ZNF24: variants seen among roughly 807,000 people sequenced by gnomAD.
ZNF24 encodes zinc finger protein 24.
A neutral mutation model predicts 40.9 loss-of-function variants in ZNF24; 11 were observed. The observed-to-expected ratio is 0.27, with a 90% confidence interval of 0.17 to 0.45. The LOEUF (loss-of-function observed/expected upper bound fraction) is 0.45, where lower values mean the gene tolerates loss of function less well. Among genes scored for constraint, ZNF24 ranks in the 20% least tolerant of loss-of-function variants. The pLI is 1.00. For synonymous variants in ZNF24, 139 were observed against 154.7 expected (o/e 0.90, Z 0.75); for missense variants, 293 against 437.7 (o/e 0.67, Z 2.95).
In ZNF24 at chr18:35,337,673, A is replaced by G. The variant is rs1428730481; in HGVS notation, c.666T>C (p.Gly222=). ...SHEVPGTLNM[G]VPQIFKYGET... ...CTCCATATTTAAAAATTTGAGGAAC[A>G]CCCATATTGAGAGTGCCAGGAACTT... The change falls in exon 4 of 4, where the codon GGT becomes GGC. Residue 222 remains glycine (G), a synonymous_variant. Transcript: ENST00000261332. The G allele has an allele frequency of 4.3e-6, 7 of 1,613,858 alleles. No homozygotes were observed. Among genetic ancestry groups the G allele is most frequent in the Non-Finnish European group, 5.9e-6 (7 of 1,179,980 alleles).
Position 35,340,482 on chromosome 18 carries a change from G to A in ZNF24, c.169C>T (p.Gln57Ter). ...CCAGGTGAATCCTGGTATCCAAACT[G>A]CCTGAATCGCTGTCGGAAAATCTCT... is the stretch of plus-strand genomic sequence containing the variant. ...DPEIFRQRFR[Q>*]FGYQDSPGPR... Residue 57 changes from glutamine (Q) to a stop codon, truncating the protein, a stop_gained, in exon 2 of 4, where the codon CAG becomes TAG. Transcript: ENST00000261332. LOFTEE classifies it high-confidence loss of function. The surrounding 1 kb of genome is among the most constrained non-coding windows in gnomAD (Gnocchi z 4.6). The A allele has an allele frequency of 6.2e-7, 1 of 1,614,216 alleles. No individual in the cohort carries two copies. Among genetic ancestry groups the A allele is most frequent in the Non-Finnish European group, 8.5e-7 (1 of 1,180,046 alleles).
intron 1 of ZNF24, among the ~76,000 whole-genome samples, chr18:35,342,135 G>A (rs2044974565): frequency 1.3e-5 from 2 of 152,020 alleles, no homozygotes; most frequent in Non-Finnish European, 2.9e-5. Context: ...GGTGGAGGCT[G>A]CAGTGAGCCA....
At chr18:35,337,909 T>C in intron 3 of ZNF24, 139 bp from the exon 4 acceptor site, 1 of 665,014 alleles carries the variant, frequency 1.5e-6, no homozygotes, top group Non-Finnish European at 2.3e-6. Flanking sequence ...AGGCCTATTC[T>C]CAAAAAAGAA....
In ZNF24 at chr18:35,340,334, T is replaced by C. The variant is rs2044955820; in HGVS notation, c.317A>G (p.Lys106Arg). ...ATCTCGAACCCAAGTCTGTAGCTCTTTGGGTAGGATGGCAACAAACTGCTC... is the reference window on the plus strand; with the variant it reads ...ATCTCGAACCCAAGTCTGTAGCTCTCTGGGTAGGATGGCAACAAACTGCTC... The part of the protein sequence containing the change: ...VLEQFVAILP[K>R]ELQTWVRDHH... The change falls in exon 2 of 4, where the codon AAA becomes AGA. Residue 106 changes from lysine (K) to arginine (R), a missense_variant. Physicochemically the swap from Lys to Arg is conservative, Grantham distance 26. Coordinates refer to ENST00000261332, the MANE Select transcript of ZNF24 (RefSeq NM_006965.4). The surrounding 1 kb of genome is among the most constrained non-coding windows in gnomAD (Gnocchi z 4.6). 2 of 1,614,156 alleles carry C rather than the reference T, an allele frequency of 1.2e-6. No individual in the cohort carries two copies. Among genetic ancestry groups the C allele is most frequent in the South Asian group, 1.1e-5 (1 of 91,074 alleles).
Position 35,337,743 on chromosome 18 carries a change from G to T in ZNF24, c.596C>A (p.Ala199Glu). The T allele has an allele frequency of 6.3e-7, 1 of 1,596,298 alleles. No individual in the cohort carries two copies. The highest frequency in any genetic ancestry group is 8.5e-7 in the Non-Finnish European group (1 of 1,173,564). Residue 199 changes from alanine to glutamate, a missense_variant, in exon 4 of 4, where the codon GCA becomes GAA. Physicochemically the swap from Ala to Glu is moderately radical, Grantham distance 107. This residue lies in a region of ZNF24 where 234 missense variants were observed against 299.2 expected (regional missense o/e 0.78). Coordinates refer to ENST00000261332, the MANE Select transcript of ZNF24 (RefSeq NM_006965.4). ...CDDDGRTENG[A>E]LAPKQELPSA... ...AGGAAGCTCCTGCTTTGGAGCTAGT[G>T]CTCCATTTTCAGTCCTACCATCATC...
At chr18:35,338,149 T>C in intron 3 of ZNF24, 1 of 985,260 alleles carries the variant, frequency 1.0e-6, no homozygotes, top group Non-Finnish European at 1.2e-6. Flanking sequence ...AATGTTCTTT[T>C]ACTTTGAGAA....
rs748391300 is a variant in ZNF24 at position 35,340,553 on chromosome 18, T to A, written c.98A>T (p.Asp33Val). ...GGGGATACTTGATCCCTCTTCGCCA[T>A]CAGGATCCTCCTCCAACTTCACTCT... is the stretch of plus-strand genomic sequence containing the variant. Reference protein sequence around the residue: ...ILRVKLEEDPDGEEGSSIPWN... With the variant: ...ILRVKLEEDPVGEEGSSIPWN... Residue 33 changes from aspartate to valine, a missense_variant, in exon 2 of 4, where the codon GAT (aspartate) becomes GTT (valine). Asp to Val is a radical substitution (Grantham distance 152). This residue lies in a region of ZNF24 where 234 missense variants were observed against 299.2 expected (regional missense o/e 0.78). Transcript: ENST00000261332. The surrounding 1 kb of genome is among the most constrained non-coding windows in gnomAD (Gnocchi z 4.6). The A allele has an allele frequency of 6.2e-7, 1 of 1,614,236 alleles. No homozygotes were observed. The highest frequency in any genetic ancestry group is 1.1e-5 in the South Asian group (1 of 91,092).
In ZNF24 at chr18:35,339,986, G is replaced by T. The variant is rs768935727; in HGVS notation, c.421-10C>A. 3.1e-6 allele frequency: 5 copies of T among 1,603,924 alleles called. No individual in the cohort carries two copies. In the East Asian group the frequency reaches 1.1e-4, roughly 36 times the overall value. On this transcript the variant is annotated splice_polypyrimidine_tract_variant and intron_variant, in intron 2 of 3. Coordinates refer to ENST00000261332, the MANE Select transcript of ZNF24 (RefSeq NM_006965.4). ...GTCGACGGAGAGAAACCTGGAAACA[G>T]AAAGATTTGATTCAGAGAAGGAACT...
chr18:35,340,653 T>G lies in ZNF24; in HGVS notation c.-3A>C. On this transcript the variant is annotated 5_prime_UTR_variant, in exon 2 of 4. Transcript: ENST00000261332. The surrounding 1 kb of genome is among the most constrained non-coding windows in gnomAD (Gnocchi z 4.6). The stretch of plus-strand genomic sequence containing the variant: ...TCTTCCACTGACTGTGCAGACATTC[T>G]GATTTATAATATTTCAAGAAAAGAC... 6.2e-7 allele frequency: 1 copy of G among 1,607,290 alleles called. No individual in the cohort carries two copies. Among genetic ancestry groups the G allele is most frequent in the Non-Finnish European group, 8.5e-7 (1 of 1,177,116 alleles).
chr18:35,338,871 A>G, intron 3 of ZNF24: 1 of 1,371,320 alleles, frequency 7.3e-7, no homozygotes. Context: ...TATCAGCCCC[A>G]TATATCAAGA....
rs1305657241 is a variant in ZNF24 at position 35,335,944 on chromosome 18, C to G, written c.*1288G>C. 6.6e-6 allele frequency: 1 copy of G among 152,118 alleles called. No individual in the cohort carries two copies. The highest frequency in any genetic ancestry group is 2.4e-5 in the African/African-American group (1 of 41,402). 9.4% of individuals were successfully genotyped at this position (152,118 alleles called of 1,614,324 possible). Reference sequence around the variant, plus strand: ...CAAATTGTGGTAAGAGTATCGTGGACTCACCTCTGAACACTGGAGAGCCAG... The same window carrying G: ...CAAATTGTGGTAAGAGTATCGTGGAGTCACCTCTGAACACTGGAGAGCCAG... On this transcript the variant is annotated 3_prime_UTR_variant, in exon 4 of 4. Coordinates refer to ENST00000261332, the MANE Select transcript of ZNF24 (RefSeq NM_006965.4).
At chr18:35,343,581 T>C (rs1166761086) in intron 1 of ZNF24, among the ~76,000 whole-genome samples, 5 of 152,212 alleles carry the variant, frequency 3.3e-5, no homozygotes, top group Non-Finnish European at 7.3e-5. Context: ...AAAGGCCTTA[T>C]CAGACAAGTA....
rs922935658 is a variant in ZNF24 at position 35,333,427 on chromosome 18, AG to A, written c.*3804del. The A allele has an allele frequency of 2.0e-5, 3 of 152,184 alleles. No individual in the cohort carries two copies. The highest frequency in any genetic ancestry group is 7.2e-5 in the African/African-American group (3 of 41,440). The allele number at this position is 152,184 out of a possible 1,614,324, so 9.4% of individuals were successfully genotyped here. On this transcript the variant is annotated 3_prime_UTR_variant, in exon 4 of 4. Transcript: ENST00000261332. The stretch of plus-strand genomic sequence containing the variant: ...AATGTGATTGGTAGCATTGGAGAAA[AG>A]GGTCTCTCTATTCAAAGAACTGTGT...
At chr18:35,338,860 A>G (rs940924369) in intron 3 of ZNF24, 2 of 1,341,100 alleles carry the variant, frequency 1.5e-6, no homozygotes, top group African/African-American at 1.5e-5. Flanking sequence ...GAAGTTGAAA[A>G]TATCAGCCCC....
In ZNF24 at chr18:35,337,187, G is replaced by A. The variant is rs1256105753; in HGVS notation, c.*45C>T. 4 of 1,379,488 alleles carry A rather than the reference G, an allele frequency of 2.9e-6. No individual in the cohort carries two copies. Among genetic ancestry groups the A allele is most frequent in the Non-Finnish European group, 3.8e-6 (4 of 1,052,448 alleles). 85.5% of individuals were successfully genotyped at this position (1,379,488 alleles called of 1,614,324 possible). A position where few individuals can be genotyped will look rare whatever the true frequency, so the allele number is the denominator to read the frequency against. On this transcript the variant is annotated 3_prime_UTR_variant, in exon 4 of 4. Coordinates refer to ENST00000261332, the MANE Select transcript of ZNF24 (RefSeq NM_006965.4). ...TATTTTAAATTTTGTCTTCATTTCT[G>A]AAGAAAAAGACCTGAGTGCTGATTC...
chr18:35,334,930 G>C lies in ZNF24; in HGVS notation c.*2302C>G, dbSNP rs2044891175. 1 of 152,120 alleles carries C rather than the reference G, an allele frequency of 6.6e-6. No homozygotes were observed. Among genetic ancestry groups the C allele is most frequent in the Non-Finnish European group, 1.5e-5 (1 of 68,028 alleles). 9.4% of individuals were successfully genotyped at this position (152,120 alleles called of 1,614,324 possible). A position where few individuals can be genotyped will look rare whatever the true frequency, so the allele number is the denominator to read the frequency against. ...CTCAGAATCCTTTCTGAACAATGCA[G>C]ATATTAGAGCTGCCAAGACAAAAAC... is the stretch of plus-strand genomic sequence containing the variant. On this transcript the variant is annotated 3_prime_UTR_variant, in exon 4 of 4. Transcript: ENST00000261332.
intron 1 of ZNF24, among the ~76,000 whole-genome samples, chr18:35,341,994 A>G (rs1277705009): frequency 6.6e-6 from 1 of 152,172 alleles, no homozygotes; most frequent in Non-Finnish European, 1.5e-5. Flanking sequence ...TCAAGAGATC[A>G]AGACCATCCT....
chr18:35,342,876 A>G (rs1402119314), intron 1 of ZNF24, among the ~76,000 whole-genome samples: 1 of 152,202 alleles, frequency 6.6e-6, no homozygotes, highest in Admixed American at 6.5e-5. Context: ...ATGACCTACT[A>G]AGACGACAAA....
chr18:35,344,147 A>G (rs2044995316), intron 1 of ZNF24, among the ~76,000 whole-genome samples: 1 of 152,046 alleles, frequency 6.6e-6, no homozygotes, highest in Non-Finnish European at 1.5e-5. Flanking sequence ...ACAGGGGGTT[A>G]GAGAGCTCTC....
Sources: allele counts gnomAD v4.1 joint callset (sites outside exome capture counted in the v4.1 genomes callset), GRCh38; gene constraint gnomAD v4.1.1; regional missense constraint gnomAD v4.1.1; non-coding constraint Gnocchi (gnomAD v3.1); transcripts MANE v1.5; gene names NCBI Gene and HGNC (gene_info 2026-07-23, HGNC 2026-07-21).